The following MCIDAS variants were observed in gnomAD, a reference collection of about 807,000 sequenced individuals.
The protein encoded by MCIDAS is multiciliate differentiation and DNA synthesis associated cell cycle protein, also known as multicilin.
MCIDAS carries 23 observed loss-of-function variants against 35.4 expected under a neutral mutation model. That is an observed-to-expected ratio of 0.65 (90% CI 0.47 to 0.92). The LOEUF (loss-of-function observed/expected upper bound fraction) is 0.92, where lower values mean the gene tolerates loss of function less well. MCIDAS is among the 40% of genes least tolerant of loss of function. The pLI is 0.00. For missense variants in MCIDAS, 480 were observed against 531.8 expected (o/e 0.90, Z 0.96); for synonymous variants, 228 against 235.2 (o/e 0.97, Z 0.28).
rs1443480939 is a variant in MCIDAS at position 55,220,396 on chromosome 5, C to G, written c.1128G>C (p.Gly376=). 1 of 1,535,852 alleles carries G rather than the reference C, an allele frequency of 6.5e-7. No individual in the cohort carries two copies. The highest frequency in any genetic ancestry group is 8.7e-7 in the Non-Finnish European group (1 of 1,146,790). ...TGGGGACCCAGCGGAACTTGTAACC[C>G]CCGTTGGCTGTTCTGATGGTGAAGG... is the stretch of plus-strand genomic sequence containing the variant. ...GNAFTIRTAN[G]GYKFRWVPS is the part of the protein sequence containing the mutation. Residue 376 remains glycine, a synonymous_variant, in exon 7 of 7, where the codon GGG becomes GGC. Coordinates refer to ENST00000513312, the MANE Select transcript of MCIDAS (RefSeq NM_001190787.3).
chr5:55,226,683 G>T lies in MCIDAS; in HGVS notation c.218-16C>A. The T allele has an allele frequency of 2.0e-6, 3 of 1,480,612 alleles. No individual in the cohort carries two copies. Among genetic ancestry groups the T allele is most frequent in the Non-Finnish European group, 2.7e-6 (3 of 1,121,786 alleles). The allele number at this position is 1,480,612 out of a possible 1,614,324, so 91.7% of individuals were successfully genotyped here. A position where few individuals can be genotyped will look rare whatever the true frequency, so the allele number is the denominator to read the frequency against. ...GTGGTGAGGGCTGCGCGGGGAGACC[G>T]GGAGACACGCGCCGGGCGGGCCCTG... is the stretch of plus-strand genomic sequence containing the variant. On this transcript the variant is annotated splice_polypyrimidine_tract_variant and intron_variant, in intron 2 of 6. Transcript: ENST00000513312.
At chr5:55,220,988 A>G in intron 6 of MCIDAS, 28 bp downstream of exon 6, 1 of 1,522,694 alleles carries the variant, frequency 6.6e-7, no homozygotes, top group Non-Finnish European at 8.8e-7. Context: ...GACGTGCTGC[A>G]GTTCCCACAC....
chr5:55,225,609 G>A (rs1056099676), intron 3 of MCIDAS, among the ~76,000 whole-genome samples: 2 of 152,212 alleles, frequency 1.3e-5, no homozygotes, highest in African/African-American at 4.8e-5. Context: ...GTTCTAGGAG[G>A]CCCTTGGAGG....
At position 55,226,752 on chromosome 5, in the gene MCIDAS, G is replaced by T. The variant is rs940173176; in HGVS notation, c.217+83C>A. On this transcript the variant is annotated intron_variant, in intron 2 of 6. Coordinates refer to ENST00000513312, the MANE Select transcript of MCIDAS (RefSeq NM_001190787.3). ...GCAGCTAGGACGTCAGAGCCCGGGG[G>T]AGAGAAGCTCCTCCGAGCTGTGCGC... 2.8e-6 allele frequency: 4 copies of T among 1,406,752 alleles called. No homozygotes were observed. The East Asian group carries it at 1.1e-4, about 40-fold the overall frequency. The allele number at this position is 1,406,752 out of a possible 1,614,324, so 87.1% of individuals were successfully genotyped here.
intron 3 of MCIDAS, among the ~76,000 whole-genome samples, chr5:55,224,039 G>A (rs1421521711): frequency 6.6e-6 from 1 of 152,096 alleles, no homozygotes; most frequent in East Asian, 1.9e-4. Context: ...CCTCATACCA[G>A]TGTGGGAAGC....
At position 55,222,283 on chromosome 5, in the gene MCIDAS, A is replaced by C. The variant is rs1395008236; in HGVS notation, c.499T>G (p.Ser167Ala). The C allele has an allele frequency of 2.0e-6, 3 of 1,535,870 alleles. No homozygotes were observed. The African/African-American group carries it at 4.1e-5, about 21-fold the overall frequency. The change falls in exon 5 of 7, where the codon TCA becomes GCA. Residue 167 changes from serine to alanine, a missense_variant. Coordinates refer to ENST00000513312, the MANE Select transcript of MCIDAS (RefSeq NM_001190787.3). ...ACGTCTGGAGGGCGCAGCGGTGGTGACTGCAGGGCCCGTGGGTCCAGTGGC... is the reference window on the plus strand; with the variant it reads ...ACGTCTGGAGGGCGCAGCGGTGGTGCCTGCAGGGCCCGTGGGTCCAGTGGC... Reference protein sequence around the residue: ...SPPLDPRALQSPPLRPPDVPP... With the variant: ...SPPLDPRALQAPPLRPPDVPP...
rs1415717093 is a variant in MCIDAS at position 55,221,017 on chromosome 5, T to C, written c.716A>G (p.Asp239Gly). The change falls in exon 6 of 7, where the codon GAT becomes GGT. Residue 239 changes from aspartate (D) to glycine (G), a missense_variant and splice_region_variant. Asp to Gly is a moderately conservative substitution (Grantham distance 94). Coordinates refer to ENST00000513312, the MANE Select transcript of MCIDAS (RefSeq NM_001190787.3). Reference sequence around the variant, plus strand: ...CCCACACGCCCGCGCCCCACTTACATCCAGCACCGAGGCCAGGTGCCGGGT... The same window carrying C: ...CCCACACGCCCGCGCCCCACTTACACCCAGCACCGAGGCCAGGTGCCGGGT... ...SRTRHLASVL[D>G]KLMITQSRDC... The C allele has an allele frequency of 2.6e-6, 4 of 1,535,198 alleles. No homozygotes were observed. Among genetic ancestry groups the C allele is most frequent in the Non-Finnish European group, 3.5e-6 (4 of 1,146,258 alleles).
rs1267086039 is a variant in MCIDAS at position 55,223,942 on chromosome 5, G to A, written c.310-919C>T. Among the ~76,000 whole-genome samples the A allele has an allele frequency of 6.6e-6, 1 of 152,148 alleles. No individual in the cohort carries two copies. The highest frequency in any genetic ancestry group is 2.4e-5 in the African/African-American group (1 of 41,434). The stretch of plus-strand genomic sequence containing the variant: ...TGTGAGAGGAAAGGAGACCCTAAGG[G>A]GCTGGAGGCGCATAGGCCTTCTTGT... On this transcript the variant is annotated intron_variant, in intron 3 of 6. Transcript: ENST00000513312. The surrounding 1 kb of genome is among the most constrained non-coding windows in gnomAD (Gnocchi z 4.4).
intron 3 of MCIDAS, among the ~76,000 whole-genome samples, chr5:55,224,050 G>A (rs334878): frequency 0.82 from 125,221 of 152,022 alleles, 51,613 homozygotes; most frequent in Middle Eastern, 0.88. Flanking sequence ...TGTGGGAAGC[G>A]GCAGGGGCCT....
In MCIDAS at chr5:55,222,205, A is replaced by G. The variant is rs12514445; in HGVS notation, c.577T>C (p.Leu193=). The G allele has an allele frequency of 1.2e-5, 18 of 1,535,224 alleles. No homozygotes were observed. In the Admixed American group the frequency reaches 2.5e-4, roughly 22 times the overall value. The change falls in exon 5 of 7, where the codon TTG becomes CTG. Residue 193 remains leucine, a synonymous_variant. Transcript: ENST00000513312. Reference sequence around the variant, plus strand: ...TTATTCTCAACAAGCGCGTCTCCCAACGCTCTCTGGTTCTGGTCCGCCACC... The same window carrying G: ...TTATTCTCAACAAGCGCGTCTCCCAGCGCTCTCTGGTTCTGGTCCGCCACC... ...KEVADQNQRA[L]GDALVENNQL...
chr5:55,226,756 G>C, intron 2 of MCIDAS, 79 bp downstream of exon 2: 1 of 1,403,336 alleles, frequency 7.1e-7, no homozygotes, highest in Non-Finnish European at 9.2e-7. Context: ...CCGGGGGAGA[G>C]AAGCTCCTCC....
chr5:55,226,341 G>A (rs140179716), intron 3 of MCIDAS, among the ~76,000 whole-genome samples: 258 of 152,268 alleles, frequency 1.7e-3, no homozygotes, highest in Middle Eastern at 3.4e-3. Flanking sequence ...AGATGAGCCC[G>A]ACTGTATCAA....
At position 55,223,980 on chromosome 5, in the gene MCIDAS, T is replaced by C. The variant is rs1388261508; in HGVS notation, c.310-957A>G. 6.6e-6 allele frequency among the ~76,000 whole-genome samples: 1 copy of C among 152,116 alleles called. No homozygotes were observed. Among genetic ancestry groups the C allele is most frequent in the African/African-American group, 2.4e-5 (1 of 41,416 alleles). On this transcript the variant is annotated intron_variant, in intron 3 of 6. Transcript: ENST00000513312. This position sits in a 1 kb window ranked among gnomAD's most constrained non-coding sequence, Gnocchi z 4.4. ...TAGGCCTTCTTGTTCCCTTAATTCA[T>C]GGACATTTAGAGTTGATAAAAACGC...
rs541551420 is a variant in MCIDAS, at chr5:55,224,364, A to G, written c.310-1341T>C. 8.1e-4 allele frequency among the ~76,000 whole-genome samples: 123 copies of G among 152,232 alleles called. 3 individuals carry two copies. In the South Asian group the frequency reaches 0.024, roughly 30 times the overall value. The stretch of plus-strand genomic sequence containing the variant: ...CAAAGCCCTTCTTTACTATTAAAAT[A>G]TTTCTGGGAAGAGGAACTTACTCTG... On this transcript the variant is annotated intron_variant, in intron 3 of 6. Transcript: ENST00000513312.
At position 55,227,244 on chromosome 5, in the gene MCIDAS, C is replaced by G; in HGVS notation, c.-106G>C. On this transcript the variant is annotated 5_prime_UTR_variant, in exon 1 of 7. Coordinates refer to ENST00000513312, the MANE Select transcript of MCIDAS (RefSeq NM_001190787.3). ...CAGTGCCTGCAGGCTCCGAAGCCAG[C>G]CAGAGGTTGGGGCAGGCGCGTGACC... 7.5e-7 allele frequency: 1 copy of G among 1,338,006 alleles called. No homozygotes were observed. Among genetic ancestry groups the G allele is most frequent in the Non-Finnish European group, 9.6e-7 (1 of 1,045,012 alleles). The allele number at this position is 1,338,006 out of a possible 1,614,324, so 82.9% of individuals were successfully genotyped here.
At chr5:55,222,032 G>A (rs909443224) in intron 5 of MCIDAS, 144 bp downstream of exon 5, 13 of 625,306 alleles carry the variant, frequency 2.1e-5, no homozygotes, top group East Asian at 3.1e-5. Context: ...TGGAGCCACC[G>A]GAGCAATGGC....
intron 5 of MCIDAS, among the ~76,000 whole-genome samples, chr5:55,221,936 GAATA>G (rs1745364999): frequency 6.6e-6 from 1 of 151,684 alleles, no homozygotes; most frequent in African/African-American, 2.4e-5. Flanking sequence ...AAAAAAAAAT[GAATA>G]AATAAATAAA....
Position 55,223,264 on chromosome 5 carries a change from G to T in MCIDAS, c.310-241C>A, listed in dbSNP as rs1387346439. On this transcript the variant is annotated intron_variant, in intron 3 of 6. Transcript: ENST00000513312. The surrounding 1 kb of genome is among the most constrained non-coding windows in gnomAD (Gnocchi z 4.4). Reference sequence around the variant, plus strand: ...CGGTCTGCTCGCACTTACGTCGCCAGCCCAGTCTCGTACCCGAAAATTCAA... The same window carrying T: ...CGGTCTGCTCGCACTTACGTCGCCATCCCAGTCTCGTACCCGAAAATTCAA... 6.6e-6 allele frequency among the ~76,000 whole-genome samples: 1 copy of T among 151,866 alleles called. No individual in the cohort carries two copies. Among genetic ancestry groups the T allele is most frequent in the Non-Finnish European group, 1.5e-5 (1 of 67,990 alleles).
At chr5:55,224,407 T>A (rs1208082574) in intron 3 of MCIDAS, among the ~76,000 whole-genome samples, 1 of 152,176 alleles carries the variant, frequency 6.6e-6, no homozygotes, top group Non-Finnish European at 1.5e-5. Flanking sequence ...CTTCAAAGAA[T>A]GTACAAGTAT....
Sources: gnomAD v4.1 joint callset for allele counts (sites outside exome capture counted in the v4.1 genomes callset) on GRCh38, gnomAD v4.1.1 for gene constraint, Gnocchi (gnomAD v3.1) non-coding constraint, MANE v1.5 for transcripts, NCBI Gene and HGNC (gene_info 2026-07-23, HGNC 2026-07-21) for gene names.